PSMB2: variants seen among roughly 807,000 people sequenced by gnomAD.
PSMB2 encodes the protein proteasome subunit beta type-2.
PSMB2 carries 13 observed loss-of-function variants against 25.7 expected under a neutral mutation model. That is an observed-to-expected ratio of 0.51 (90% CI 0.33 to 0.80). PSMB2 has a LOEUF of 0.80. Among genes scored for constraint, PSMB2 ranks in the 30% least tolerant of loss-of-function variants. PSMB2 has a pLI of 0.02. For synonymous variants in PSMB2, 87 were observed against 96.2 expected, an observed-to-expected ratio of 0.90 and a Z score of 0.56; for missense variants, 202 against 259.0, an observed-to-expected ratio of 0.78 and a Z score of 1.51.
intron 3 of PSMB2, 114 bp downstream of exon 3, chr1:35,631,160 A>C: frequency 1.1e-6 from 1 of 902,754 alleles, no homozygotes; most frequent in Admixed American, 2.0e-5. Flanking sequence ...TAGCAACAGG[A>C]GGGGTTCTGG....
At chr1:35,618,823 C>T (rs540281542) in intron 3 of PSMB2, among the ~76,000 whole-genome samples, 2 of 152,302 alleles carry the variant, frequency 1.3e-5, no homozygotes, top group East Asian at 3.9e-4. Context: ...AATCAGAATA[C>T]TATAATGAGC....
chr1:35,627,473 G>A (rs1650900258), intron 3 of PSMB2, among the ~76,000 whole-genome samples: 1 of 151,798 alleles, frequency 6.6e-6, no homozygotes, highest in African/African-American at 2.4e-5. Flanking sequence ...CTGGCAACAT[G>A]GAGAAACCCC....
intron 1 of PSMB2, among the ~76,000 whole-genome samples, chr1:35,637,517 A>T (rs1651277014): frequency 6.6e-6 from 1 of 152,276 alleles, no homozygotes; most frequent in Middle Eastern, 3.4e-3. Context: ...AAAAGGCCTA[A>T]ATCTTCCTAT....
intron 1 of PSMB2, among the ~76,000 whole-genome samples, chr1:35,638,323 G>A (rs571818): frequency 1 from 152,063 of 152,284 alleles, 75,924 homozygotes; most frequent in Middle Eastern, 1. Flanking sequence ...AGGAACTTAC[G>A]AGATCCACAT....
At chr1:35,616,051 C>T (rs968490498) in intron 3 of PSMB2, among the ~76,000 whole-genome samples, 3 of 152,172 alleles carry the variant, frequency 2.0e-5, no homozygotes, top group Non-Finnish European at 4.4e-5. Context: ...ATGCAATTTA[C>T]AGACTTAGAT....
At chr1:35,636,152 C>T (rs1260289979) in intron 2 of PSMB2, among the ~76,000 whole-genome samples, 158 bp downstream of exon 2, 1 of 152,158 alleles carries the variant, frequency 6.6e-6, no homozygotes, top group Admixed American at 6.5e-5. Context: ...AGGAGAGAGG[C>T]CTCAGAAATC....
At chr1:35,626,125 A>G (rs903288439) in intron 3 of PSMB2, among the ~76,000 whole-genome samples, 1 of 152,200 alleles carries the variant, frequency 6.6e-6, no homozygotes, top group Admixed American at 6.5e-5. Context: ...GGCATGAGCC[A>G]CTGTGCCTGG....
intron 3 of PSMB2, among the ~76,000 whole-genome samples, chr1:35,617,486 A>G (rs1650526209): frequency 6.6e-6 from 1 of 152,238 alleles, no homozygotes; most frequent in Non-Finnish European, 1.5e-5. Flanking sequence ...CCCTGGGACT[A>G]CAACATAGAA....
chr1:35,621,011 TAA>T (rs1650665691), intron 3 of PSMB2, among the ~76,000 whole-genome samples: 1 of 151,768 alleles, frequency 6.6e-6, no homozygotes, highest in South Asian at 2.1e-4. Context: ...AATAAATAAA[TAA>T]ATATATATAT....
chr1:35,641,244 C>G (rs1651387326), intron 1 of PSMB2, 98 bp downstream of exon 1: 1 of 1,467,160 alleles, frequency 6.8e-7, no homozygotes, highest in Non-Finnish European at 9.3e-7. Context: ...CGGCTTCCAT[C>G]TCTCAGATCC....
chr1:35,637,485 C>T (rs888150026), intron 1 of PSMB2, among the ~76,000 whole-genome samples: 3 of 150,774 alleles, frequency 2.0e-5, no homozygotes, highest in African/African-American at 7.5e-5. Context: ...AAGAAAACTC[C>T]ACATTCAGTC....
chr1:35,603,015 A>G lies in PSMB2; in HGVS notation c.*252T>C. The stretch of plus-strand genomic sequence containing the variant: ...TAGAACGTGGGGCCGTCAGCTGCTA[A>G]AGGGTACTGAGCGTTAATGGAGGGC... On this transcript the variant is annotated 3_prime_UTR_variant, in exon 6 of 6. Coordinates refer to ENST00000373237, the MANE Select transcript of PSMB2 (RefSeq NM_002794.5). 1 of 1,194,858 alleles carries G rather than the reference A, an allele frequency of 8.4e-7. No individual in the cohort carries two copies. Among genetic ancestry groups the G allele is most frequent in the Middle Eastern group, 3.6e-4 (1 of 2,808 alleles). The allele number at this position is 1,194,858 out of a possible 1,614,324, so 74.0% of individuals were successfully genotyped here. A position where few individuals can be genotyped will look rare whatever the true frequency, so the allele number is the denominator to read the frequency against.
At chr1:35,625,624 T>C (rs532974288) in intron 3 of PSMB2, among the ~76,000 whole-genome samples, 2 of 151,446 alleles carry the variant, frequency 1.3e-5, no homozygotes, top group South Asian at 4.2e-4. Context: ...TAGCCAGGCA[T>C]GGTGACGGGC....
chr1:35,628,608 TATATATATATATATATATATA>T (rs1650973269), intron 3 of PSMB2, among the ~76,000 whole-genome samples: 1 of 27,640 alleles, frequency 3.6e-5, no homozygotes, highest in Non-Finnish European at 7.0e-5. Context: ...TATATATATA[TATATATATATATATATATATA>T]TATTTTTTTT....
At chr1:35,627,282 A>G (rs1392211203) in intron 3 of PSMB2, among the ~76,000 whole-genome samples, 1 of 145,966 alleles carries the variant, frequency 6.9e-6, no homozygotes, top group East Asian at 2.3e-4. Flanking sequence ...AAAAAAAAAA[A>G]GCACAACAAA....
At position 35,602,996 on chromosome 1, in the gene PSMB2, G is replaced by T; in HGVS notation, c.*271C>A. 6.2e-6 allele frequency: 7 copies of T among 1,130,524 alleles called. No individual in the cohort carries two copies. The highest frequency in any genetic ancestry group is 7.6e-6 in the Non-Finnish European group (7 of 920,816). The allele number at this position is 1,130,524 out of a possible 1,614,324, so 70.0% of individuals were successfully genotyped here. On this transcript the variant is annotated 3_prime_UTR_variant, in exon 6 of 6. Coordinates refer to ENST00000373237, the MANE Select transcript of PSMB2 (RefSeq NM_002794.5). The stretch of plus-strand genomic sequence containing the variant: ...AAGGAAGCCAAGCATGGAGTAGAAC[G>T]TGGGGCCGTCAGCTGCTAAAGGGTA...
chr1:35,623,515 G>C (rs1650756936), intron 3 of PSMB2, among the ~76,000 whole-genome samples: 1 of 152,212 alleles, frequency 6.6e-6, no homozygotes, highest in African/African-American at 2.4e-5. Context: ...GGCTCTGTCT[G>C]TCAAGATGCC....
intron 4 of PSMB2, among the ~76,000 whole-genome samples, chr1:35,606,240 T>C (rs557842354): frequency 5.5e-4 from 84 of 152,144 alleles, no homozygotes; most frequent in African/African-American, 1.9e-3. Flanking sequence ...AGTACCCCAA[T>C]TGGAAAGCAG....
chr1:35,628,632 T>TATATATATA lies in PSMB2; in HGVS notation c.285+2641_285+2642insTATATATAT, dbSNP rs1491503087. Among the ~76,000 whole-genome samples the TATATATATA allele has an allele frequency of 2.3e-3, 80 of 35,382 alleles. 1 individual carries two copies. The highest frequency in any genetic ancestry group is 4.8e-3 in the South Asian group (3 of 630). The allele number at this position is 35,382 out of a possible 152,430, so 23.2% of individuals were successfully genotyped here. On this transcript the variant is annotated intron_variant, in intron 3 of 5. Coordinates refer to ENST00000373237, the MANE Select transcript of PSMB2 (RefSeq NM_002794.5). ...ATATATATATATATATATATATATATTTTTTTTTTTTTTTTTAAAGAAAAG... is the reference window on the plus strand; with the variant it reads ...ATATATATATATATATATATATATATATATATATATTTTTTTTTTTTTTTTAAAGAAAAG...
Sources: allele counts gnomAD v4.1 joint callset (sites outside exome capture counted in the v4.1 genomes callset), GRCh38; gene constraint gnomAD v4.1.1; transcripts MANE v1.5; gene names NCBI Gene and HGNC (gene_info 2026-07-23, HGNC 2026-07-21).